Variants in TESC observed in about 807,000 individuals in gnomAD.
TESC encodes the protein calcineurin B homologous protein 3.
TESC carries 19 observed loss-of-function variants against 31.0 expected under a neutral mutation model. The observed-to-expected ratio is 0.61, with a 90% confidence interval of 0.43 to 0.90. The LOEUF is 0.90. Ranked by LOEUF, TESC falls within the 40% of genes least tolerant of loss-of-function variation. The pLI is 0.00. For synonymous variants in TESC, 109 were observed against 114.8 expected, an observed-to-expected ratio of 0.95 and a Z score of 0.32; for missense variants, 248 against 303.8, an observed-to-expected ratio of 0.82 and a Z score of 1.36.
At chr12:117,083,123 T>C (rs529191767) in intron 1 of TESC, among the ~76,000 whole-genome samples, 20 of 152,082 alleles carry the variant, frequency 1.3e-4, no homozygotes, top group Non-Finnish European at 2.2e-4. Context: ...TCTTGCTGTG[T>C]CACCCAGGCT....
chr12:117,043,375 C>T (rs1430711769), intron 6 of TESC, among the ~76,000 whole-genome samples: 3 of 152,006 alleles, frequency 2.0e-5, no homozygotes, highest in Non-Finnish European at 4.4e-5. Context: ...TGTTTAAGAA[C>T]ACAGGAGGCA....
intron 2 of TESC, among the ~76,000 whole-genome samples, chr12:117,072,141 C>T (rs1954983104): frequency 6.6e-6 from 1 of 152,196 alleles, no homozygotes; most frequent in Admixed American, 6.5e-5. Flanking sequence ...ATATCCTCCT[C>T]CTCACACAGC....
chr12:117,085,086 C>T (rs1955200311), intron 1 of TESC, among the ~76,000 whole-genome samples: 1 of 152,218 alleles, frequency 6.6e-6, no homozygotes, highest in African/African-American at 2.4e-5. Flanking sequence ...AGGTTCTAGG[C>T]CACGGGGATG....
chr12:117,082,961 A>G (rs1349320864), intron 1 of TESC, among the ~76,000 whole-genome samples: 2 of 152,226 alleles, frequency 1.3e-5, no homozygotes, highest in Non-Finnish European at 2.9e-5. Context: ...GGCTATAGAG[A>G]AACTGAAACT....
intron 2 of TESC, among the ~76,000 whole-genome samples, chr12:117,065,622 C>A (rs952537954): frequency 6.6e-6 from 1 of 152,146 alleles, no homozygotes; most frequent in African/African-American, 2.4e-5. Context: ...GGCACAGTGG[C>A]TCACACCTAT....
At chr12:117,045,911 GT>G (rs1446389921) in intron 6 of TESC, among the ~76,000 whole-genome samples, 4 of 152,212 alleles carry the variant, frequency 2.6e-5, no homozygotes, top group Non-Finnish European at 4.4e-5. Context: ...GGCTGCACCT[GT>G]CCTTACAAGA....
At chr12:117,089,721 G>C (rs1447609139) in intron 1 of TESC, among the ~76,000 whole-genome samples, 1 of 151,982 alleles carries the variant, frequency 6.6e-6, no homozygotes. Context: ...GAAATAAAAA[G>C]AAAATATGAA....
In TESC at chr12:117,049,035, C is replaced by A. The variant is rs1336262763; in HGVS notation, c.333G>T (p.Arg111=). The A allele has an allele frequency of 1.2e-6, 2 of 1,614,088 alleles. No individual in the cohort carries two copies. The highest frequency in any genetic ancestry group is 1.7e-6 in the Non-Finnish European group (2 of 1,180,046). ...GGCACGCACATCTCAGCTTCTCCTT[C>A]CGGGACAGCTCCACCTGTTCCTCGT... ...TMDEEQVELS[R]KEKLRFLFHM... is the part of the protein sequence containing the mutation. Residue 111 remains arginine (R), a synonymous_variant, in exon 4 of 8, where the codon CGG becomes CGT. Transcript: ENST00000335209.
chr12:117,069,754 T>C (rs1409828460), intron 2 of TESC, among the ~76,000 whole-genome samples: 1 of 152,206 alleles, frequency 6.6e-6, no homozygotes, highest in Non-Finnish European at 1.5e-5. Flanking sequence ...CATGAGAGTT[T>C]GTAAAGCTAT....
chr12:117,064,537 C>T (rs78915172), intron 2 of TESC, among the ~76,000 whole-genome samples: 2,816 of 152,254 alleles, frequency 0.018, 42 homozygotes, highest in South Asian at 0.038. Context: ...GCATTCGAGC[C>T]CCTTCAAGGA....
chr12:117,075,896 T>C (rs1357715700), intron 1 of TESC, among the ~76,000 whole-genome samples: 1 of 76,838 alleles, frequency 1.3e-5, no homozygotes, highest in South Asian at 3.7e-4. Flanking sequence ...TATATATATA[T>C]ATATATATAT....
intron 1 of TESC, among the ~76,000 whole-genome samples, chr12:117,095,352 C>T (rs891436923): frequency 3.9e-5 from 6 of 152,138 alleles, no homozygotes; most frequent in Admixed American, 6.5e-5. Flanking sequence ...GGATTATAGG[C>T]GTGAGCCACC....
chr12:117,043,213 A>G (rs1954510003), intron 6 of TESC, among the ~76,000 whole-genome samples: 1 of 152,084 alleles, frequency 6.6e-6, no homozygotes, highest in Non-Finnish European at 1.5e-5. Context: ...TTTTGCATAC[A>G]TCAAAAATAA....
intron 6 of TESC, among the ~76,000 whole-genome samples, chr12:117,045,653 G>A (rs1457956348): frequency 1.3e-5 from 2 of 152,228 alleles, no homozygotes; most frequent in African/African-American, 4.8e-5. Context: ...GTGGCCTCAT[G>A]TCCCTCAAGG....
At chr12:117,067,577 C>T (rs1487494209) in intron 2 of TESC, among the ~76,000 whole-genome samples, 1 of 152,048 alleles carries the variant, frequency 6.6e-6, no homozygotes, top group Admixed American at 6.6e-5. Context: ...GCTCCCATCC[C>T]CTCAAAAAGT....
intron 1 of TESC, among the ~76,000 whole-genome samples, chr12:117,078,499 T>G (rs1401508064): frequency 6.6e-6 from 1 of 152,154 alleles, no homozygotes. Flanking sequence ...GGTCAAACAC[T>G]TTTTGGTATG....
chr12:117,039,004 T>G lies in TESC; in HGVS notation c.*129A>C, dbSNP rs1592985845. 2 of 898,328 alleles carry G rather than the reference T, an allele frequency of 2.2e-6. No individual in the cohort carries two copies. Among genetic ancestry groups the G allele is most frequent in the African/African-American group, 1.7e-5 (1 of 60,508 alleles). The allele number at this position is 898,328 out of a possible 1,614,324, so 55.6% of individuals were successfully genotyped here. ...ATACCATACCCTACAAGACACAAGG[T>G]GCGCAGACGAGCCTTGGCTATGTAC... On this transcript the variant is annotated 3_prime_UTR_variant, in exon 8 of 8. Coordinates refer to ENST00000335209, the MANE Select transcript of TESC (RefSeq NM_017899.4).
chr12:117,050,570 C>T (rs1335939439), intron 3 of TESC, among the ~76,000 whole-genome samples: 1 of 152,208 alleles, frequency 6.6e-6, no homozygotes, highest in Non-Finnish European at 1.5e-5. Context: ...GCCCCATGCC[C>T]GGCACACTGC....
At position 117,056,819 on chromosome 12, in the gene TESC, A is replaced by C. The variant is rs1954732689; in HGVS notation, c.196T>G (p.Phe66Val). The C allele has an allele frequency of 6.2e-7, 1 of 1,614,044 alleles. No individual in the cohort carries two copies. ...NPIRSKIVRA[F>V]FDNRNLRKGP... ...GAAAACGCCCACCTGTTGTCGAAGA[A>C]GGCACGAACAATTTTGGATCGGATG... Residue 66 changes from phenylalanine (F) to valine (V), a missense_variant, in exon 3 of 8, where the codon TTC (phenylalanine) becomes GTC (valine). Phe to Val is a conservative substitution (Grantham distance 50). Transcript: ENST00000335209.
Sources: gnomAD v4.1 joint callset for allele counts (sites outside exome capture counted in the v4.1 genomes callset) on GRCh38, gnomAD v4.1.1 for gene constraint, MANE v1.5 for transcripts, NCBI Gene and HGNC (gene_info 2026-07-23, HGNC 2026-07-21) for gene names.